PIP5K1B: variants seen among roughly 807,000 people sequenced by gnomAD.
The protein encoded by PIP5K1B is phosphatidylinositol-4-phosphate 5-kinase type 1 beta.
A neutral mutation model predicts 67.0 loss-of-function variants in PIP5K1B; 42 were observed. The observed-to-expected ratio is 0.63, with a 90% CI of 0.49 to 0.81. The LOEUF is 0.81. Ranked by LOEUF, PIP5K1B falls within the 30% of genes least tolerant of loss-of-function variation. The pLI is 0.00. For missense variants in PIP5K1B, 459 were observed against 646.3 expected, an observed-to-expected ratio of 0.71 and a Z score of 3.14; for synonymous variants, 214 against 231.4, an observed-to-expected ratio of 0.92 and a Z score of 0.68.
intron 2 of PIP5K1B, among the ~76,000 whole-genome samples, chr9:68,746,076 C>CTTTTTT (rs11306038): frequency 1.9e-5 from 2 of 107,098 alleles, no homozygotes; most frequent in African/African-American, 7.3e-5. Flanking sequence ...TGTGTTAACT[C>CTTTTTT]TTTTTTTTTT....
intron 4 of PIP5K1B, among the ~76,000 whole-genome samples, chr9:68,855,515 T>C (rs896856801): frequency 8.5e-5 from 13 of 152,230 alleles, no homozygotes; most frequent in Non-Finnish European, 1.9e-4. Context: ...CCAAAATAGG[T>C]ACCATCTTCA....
At chr9:68,781,052 T>A in intron 2 of PIP5K1B, 2 of 1,597,560 alleles carry the variant, frequency 1.3e-6, no homozygotes, top group South Asian at 2.2e-5. Context: ...AGACTTTCTT[T>A]TTGCAGTGGA....
chr9:68,977,377 G>C (rs1440049192), intron 14 of PIP5K1B, among the ~76,000 whole-genome samples: 2 of 152,122 alleles, frequency 1.3e-5, no homozygotes, highest in Non-Finnish European at 2.9e-5. Flanking sequence ...TAAAAAATTA[G>C]CCAGGTGTGG....
chr9:68,774,598 C>A (rs1251319928), intron 2 of PIP5K1B, among the ~76,000 whole-genome samples: 1 of 152,172 alleles, frequency 6.6e-6, no homozygotes, highest in African/African-American at 2.4e-5. Flanking sequence ...TATGTGTACA[C>A]CCATGTAAAC....
chr9:68,866,801 AAGGCTGG>A (rs1180982054), intron 5 of PIP5K1B, among the ~76,000 whole-genome samples: 5 of 152,198 alleles, frequency 3.3e-5, no homozygotes, highest in African/African-American at 9.7e-5. Context: ...ACTGAAGACA[AAGGCTGG>A]AGGTTCATGG....
intron 7 of PIP5K1B, 113 bp from the exon 8 acceptor site, chr9:68,894,226 A>T: frequency 1.4e-6 from 1 of 721,424 alleles, no homozygotes; most frequent in Non-Finnish European, 2.3e-6. Flanking sequence ...ATTAATAAAG[A>T]TAATCACATC....
At chr9:68,891,852 A>G (rs561367743) in intron 7 of PIP5K1B, among the ~76,000 whole-genome samples, 1 of 152,302 alleles carries the variant, frequency 6.6e-6, no homozygotes, top group East Asian at 1.9e-4. Flanking sequence ...ATAAGGGAAA[A>G]AAGAGATCCT....
At chr9:68,876,581 C>T (rs2132317922) in intron 5 of PIP5K1B, 96 bp from the exon 6 acceptor site, 1 of 716,592 alleles carries the variant, frequency 1.4e-6, no homozygotes, top group South Asian at 1.6e-5. Flanking sequence ...CTAGAGATAA[C>T]ATTGGCCCAG....
At chr9:68,743,308 ATCC>A (rs1213362971) in intron 2 of PIP5K1B, among the ~76,000 whole-genome samples, 3 of 152,068 alleles carry the variant, frequency 2.0e-5, no homozygotes, top group East Asian at 3.9e-4. Flanking sequence ...GGCTCAAGCA[ATCC>A]TCCTGCCTCA....
chr9:68,919,828 A>G, intron 11 of PIP5K1B, 99 bp downstream of exon 11: 1 of 668,050 alleles, frequency 1.5e-6, no homozygotes, highest in Non-Finnish European at 2.6e-6. Context: ...TCTAAGAGGA[A>G]ATGAAACAAC....
chr9:68,823,094 A>G (rs574674380), intron 4 of PIP5K1B, among the ~76,000 whole-genome samples: 2 of 152,188 alleles, frequency 1.3e-5, no homozygotes, highest in Non-Finnish European at 2.9e-5. Context: ...GGCCTGTGTG[A>G]TTGCATTGAG....
intron 9 of PIP5K1B, among the ~76,000 whole-genome samples, chr9:68,918,701 T>C (rs1387576951): frequency 6.6e-6 from 1 of 152,224 alleles, no homozygotes; most frequent in Non-Finnish European, 1.5e-5. Context: ...TCTAGAATTC[T>C]CCAACGATGA....
At chr9:68,781,346 G>T in intron 2 of PIP5K1B, 2 of 241,850 alleles carry the variant, frequency 8.3e-6, no homozygotes, top group Non-Finnish European at 1.7e-5. Flanking sequence ...TTATTTATGG[G>T]ATTATTAAGT....
At chr9:68,864,071 AT>A in intron 5 of PIP5K1B, 104 bp downstream of exon 5, 3 of 1,017,582 alleles carry the variant, frequency 2.9e-6, no homozygotes, top group African/African-American at 1.6e-5. Flanking sequence ...ATATGTACAG[AT>A]GTGAATATTG....
intron 8 of PIP5K1B, among the ~76,000 whole-genome samples, chr9:68,910,597 G>A (rs1825804261): frequency 6.6e-6 from 1 of 152,188 alleles, no homozygotes. Context: ...AGTCAAACCA[G>A]TCTTTGTTGA....
chr9:68,946,148 AG>A (rs1827793586), intron 14 of PIP5K1B, among the ~76,000 whole-genome samples: 1 of 152,206 alleles, frequency 6.6e-6, no homozygotes, highest in Non-Finnish European at 1.5e-5. Context: ...CAAGGTCAGC[AG>A]GAATCTTTAA....
intron 4 of PIP5K1B, among the ~76,000 whole-genome samples, chr9:68,849,591 C>T (rs1678037748): frequency 6.6e-6 from 1 of 152,190 alleles, no homozygotes; most frequent in African/African-American, 2.4e-5. Context: ...GTCTTGAACT[C>T]CTGAGCTCAA....
chr9:68,826,978 C>G (rs1834020639), intron 4 of PIP5K1B, among the ~76,000 whole-genome samples: 1 of 152,176 alleles, frequency 6.6e-6, no homozygotes, highest in South Asian at 2.1e-4. Flanking sequence ...TCTCGAACTC[C>G]TGAGCTCAGG....
chr9:68,737,297 A>G (rs1828785376), intron 1 of PIP5K1B, among the ~76,000 whole-genome samples: 1 of 152,136 alleles, frequency 6.6e-6, no homozygotes, highest in Non-Finnish European at 1.5e-5. Context: ...GCATGGCGGC[A>G]TATGTCATTT....
Sources: allele counts gnomAD v4.1 joint callset (sites outside exome capture counted in the v4.1 genomes callset), GRCh38; gene constraint gnomAD v4.1.1; transcripts MANE v1.5; gene names NCBI Gene and HGNC (gene_info 2026-07-23, HGNC 2026-07-21).